Variants in BLTP2 observed in about 807,000 individuals in gnomAD.
BLTP2 encodes the protein bridge-like lipid transfer protein family member 2.
chr17:28,640,123 A>T, the BLTP2 span: 1 of 1,350,032 alleles, frequency 7.4e-7, no homozygotes, highest in East Asian at 2.5e-5. Flanking sequence ...GGCCAGGCGC[A>T]GTGGCTCACT....
At chr17:28,639,426 A>G in the BLTP2 span, 1 of 1,613,056 alleles carries the variant, frequency 6.2e-7, no homozygotes, top group South Asian at 1.1e-5. Context: ...GCAAGTGTTC[A>G]GAACTAGGGA....
the BLTP2 span, chr17:28,634,654 T>C: frequency 1.2e-6 from 2 of 1,614,206 alleles, no homozygotes; most frequent in Admixed American, 1.7e-5. Flanking sequence ...GAAGGAGGCA[T>C]CTGCCAGAGC....
At chr17:28,619,796 C>T in the BLTP2 span, 4 of 1,613,948 alleles carry the variant, frequency 2.5e-6, no homozygotes, top group African/African-American at 1.3e-5. Context: ...AGGATAGAAA[C>T]TGAGAGACCG....
At chr17:28,616,834 C>G in the BLTP2 span, 1 of 1,605,630 alleles carries the variant, frequency 6.2e-7, no homozygotes, top group Admixed American at 1.7e-5. The surrounding 1 kb of genome is among the most constrained non-coding windows in gnomAD (Gnocchi z 4.8). Flanking sequence ...GTGTAACACA[C>G]AGGTGGCTTT....
At chr17:28,631,170 G>A in the BLTP2 span, among the ~76,000 whole-genome samples, 80 of 152,170 alleles carry the variant, frequency 5.3e-4, no homozygotes, top group African/African-American at 1.8e-3. Context: ...ACGAGGGTGG[G>A]GCACTCATGA....
chr17:28,639,173 T>C, the BLTP2 span: 3 of 810,434 alleles, frequency 3.7e-6, no homozygotes, highest in Admixed American at 2.0e-5. Context: ...GGGAAAGATA[T>C]ATAAAACAGG....
the BLTP2 span, chr17:28,642,149 TG>T: frequency 8.2e-6 from 13 of 1,581,038 alleles, no homozygotes; most frequent in Admixed American, 1.7e-5. Context: ...TGTGGTGATC[TG>T]GAACACTGGG....
the BLTP2 span, chr17:28,628,523 T>C: frequency 1.2e-6 from 2 of 1,614,030 alleles, no homozygotes; most frequent in Non-Finnish European, 8.5e-7. Context: ...AGCTGATGTG[T>C]ATGAAAGGTA....
the BLTP2 span, chr17:28,618,919 G>A: frequency 1.2e-6 from 2 of 1,614,112 alleles, no homozygotes; most frequent in Non-Finnish European, 1.7e-6. Context: ...TCTTCTTGCT[G>A]CTTTCGCAGC....
the BLTP2 span, chr17:28,619,597 A>G: frequency 3.7e-6 from 6 of 1,608,138 alleles, no homozygotes; most frequent in East Asian, 8.9e-5. Flanking sequence ...TGGGCAAGAA[A>G]GAGAACTGCC....
chr17:28,615,994 G>A, the BLTP2 span: 2 of 1,084,098 alleles, frequency 1.8e-6, no homozygotes, highest in African/African-American at 3.1e-5. Flanking sequence ...ATCACCCACA[G>A]CTCAGCATCA....
At chr17:28,644,722 C>T in the BLTP2 span, among the ~76,000 whole-genome samples, 1 of 152,212 alleles carries the variant, frequency 6.6e-6, no homozygotes, top group South Asian at 2.1e-4. Context: ...GCCCCTTCCT[C>T]ACACTCCTAT....
the BLTP2 span, chr17:28,644,012 A>C: frequency 1.9e-6 from 3 of 1,561,290 alleles, no homozygotes; most frequent in Non-Finnish European, 2.6e-6. Flanking sequence ...GTTTAAATTC[A>C]ATTGGATCAA....
chr17:28,632,267 A>G, the BLTP2 span: 5 of 1,568,446 alleles, frequency 3.2e-6, no homozygotes, highest in Non-Finnish European at 4.3e-6. Context: ...GACATTTCCT[A>G]GTTATGGATG....
chr17:28,615,564 C>T, the BLTP2 span: 3 of 1,470,272 alleles, frequency 2.0e-6, no homozygotes, highest in South Asian at 2.6e-5. Flanking sequence ...TGCCCCTTCC[C>T]AAGGATATTT....
At chr17:28,624,916 T>C in the BLTP2 span, among the ~76,000 whole-genome samples, 6 of 152,044 alleles carry the variant, frequency 3.9e-5, no homozygotes, top group Admixed American at 1.3e-4. Flanking sequence ...TCTAACAGAG[T>C]GTATGGTTAA....
the BLTP2 span, chr17:28,621,569 G>C: frequency 9.1e-7 from 1 of 1,094,222 alleles, no homozygotes; most frequent in Non-Finnish European, 1.4e-6. Context: ...TTGGGTGACA[G>C]ATCTCCATGT....
the BLTP2 span, chr17:28,640,527 C>T: frequency 6.2e-7 from 1 of 1,612,660 alleles, no homozygotes; most frequent in Non-Finnish European, 8.5e-7. Context: ...CCCACTATCA[C>T]TCTCCCATCT....
At chr17:28,627,639 C>A in the BLTP2 span, among the ~76,000 whole-genome samples, 1 of 152,036 alleles carries the variant, frequency 6.6e-6, no homozygotes, top group Non-Finnish European at 1.5e-5. Context: ...GATCTCCTGA[C>A]CCACCCACCT....
Sources: gnomAD v4.1 joint callset for allele counts (sites outside exome capture counted in the v4.1 genomes callset) on GRCh38, gnomAD v4.1.1 for gene constraint, Gnocchi (gnomAD v3.1) non-coding constraint, MANE v1.5 for transcripts, NCBI Gene and HGNC (gene_info 2026-07-23, HGNC 2026-07-21) for gene names.